Variants in MARK3 observed in about 807,000 individuals in gnomAD.
MARK3 encodes the protein microtubule affinity regulating kinase 3, also known as MAP/microtubule affinity-regulating kinase 3.
Under a neutral mutation model 90.1 loss-of-function variants are expected in MARK3, and 46 were observed. The observed-to-expected ratio is 0.51, with a 90% confidence interval of 0.40 to 0.65. The LOEUF (loss-of-function observed/expected upper bound fraction) is 0.65. Among genes scored for constraint, MARK3 ranks in the 30% least tolerant of loss-of-function variants. The pLI, the probability that MARK3 is intolerant of heterozygous loss-of-function variation, is 0.00. For missense variants in MARK3, 818 were observed against 947.2 expected, an observed-to-expected ratio of 0.86 and a Z score of 1.79; for synonymous variants, 321 against 332.6, an observed-to-expected ratio of 0.97 and a Z score of 0.38.
intron 6 of MARK3, among the ~76,000 whole-genome samples, chr14:103,459,555 A>G (rs1036471966): frequency 2.6e-5 from 4 of 152,130 alleles, no homozygotes; most frequent in African/African-American, 7.2e-5. Flanking sequence ...GCTGGAGTGC[A>G]GTGGCCCGAT....
intron 2 of MARK3, among the ~76,000 whole-genome samples, chr14:103,419,332 CTTTTA>C (rs993363837): frequency 3.2e-4 from 48 of 152,056 alleles, no homozygotes; most frequent in African/African-American, 1.1e-3. Context: ...CTCCCCAAAG[CTTTTA>C]TTTATTAGGG....
intron 6 of MARK3, chr14:103,458,821 C>A (rs1186943422): frequency 1.6e-6 from 1 of 635,354 alleles, no homozygotes; most frequent in South Asian, 1.9e-5. Flanking sequence ...TATTAAGTTT[C>A]TTATAAACGT....
Position 103,444,937 on chromosome 14 carries a change from G to A in MARK3, c.298-3982G>A, listed in dbSNP as rs559781791. ...TCCTATCCAAATTTAACTATCTTTG[G>A]TCATCAGATTCTGAGATTATGAAGT... is the stretch of plus-strand genomic sequence containing the variant. On this transcript the variant is annotated intron_variant, in intron 3 of 17. Coordinates refer to ENST00000429436, the MANE Select transcript of MARK3 (RefSeq NM_001128918.3). 3.3e-5 allele frequency among the ~76,000 whole-genome samples: 5 copies of A among 152,174 alleles called. No homozygotes were observed. In the South Asian group the frequency reaches 6.2e-4, roughly 19 times the overall value.
At chr14:103,483,754 T>G (rs2093870077) in intron 14 of MARK3, among the ~76,000 whole-genome samples, 1 of 152,190 alleles carries the variant, frequency 6.6e-6, no homozygotes, top group East Asian at 1.9e-4. Context: ...CCTTCTGATG[T>G]TATTCTCGAA....
intron 13 of MARK3, among the ~76,000 whole-genome samples, chr14:103,476,079 T>A (rs567442356): frequency 1.3e-5 from 2 of 152,282 alleles, no homozygotes; most frequent in South Asian, 4.1e-4. Flanking sequence ...GGGGACACAT[T>A]CAGAGCATAG....
At chr14:103,469,587 G>A (rs1177071872) in intron 12 of MARK3, among the ~76,000 whole-genome samples, 2 of 151,992 alleles carry the variant, frequency 1.3e-5, no homozygotes, top group African/African-American at 4.8e-5. Flanking sequence ...CGAAGTAGCT[G>A]GGACTATAGG....
At chr14:103,477,278 G>A (rs978665619) in intron 13 of MARK3, among the ~76,000 whole-genome samples, 1 of 152,164 alleles carries the variant, frequency 6.6e-6, no homozygotes. Context: ...GATCACTTGA[G>A]GTCAGGAGTT....
chr14:103,475,871 G>A (rs1156444370), intron 13 of MARK3, among the ~76,000 whole-genome samples: 5 of 151,652 alleles, frequency 3.3e-5, no homozygotes, highest in African/African-American at 1.2e-4. Context: ...TTGAACTCAG[G>A]AGGCAGAGGT....
At chr14:103,478,124 A>G (rs566741426) in intron 13 of MARK3, among the ~76,000 whole-genome samples, 6 of 151,850 alleles carry the variant, frequency 4.0e-5, no homozygotes, top group African/African-American at 1.4e-4. Flanking sequence ...GTGAAACCCC[A>G]TCTCTACTAA....
At chr14:103,500,013 TC>T (rs780609068) in intron 16 of MARK3, 142 bp from the exon 17 acceptor site, 92 of 701,276 alleles carry the variant, frequency 1.3e-4, no homozygotes, top group Non-Finnish European at 2.2e-4. Context: ...GGAAGAGTTT[TC>T]ATAAGCCCGG....
At chr14:103,406,224 A>AG (rs1425746175) in intron 2 of MARK3, among the ~76,000 whole-genome samples, 2 of 139,622 alleles carry the variant, frequency 1.4e-5, no homozygotes, top group Non-Finnish European at 1.6e-5. Context: ...TTGGGGGGTT[A>AG]GGGGGGTGTC....
chr14:103,426,329 G>A (rs1047429631), intron 2 of MARK3, among the ~76,000 whole-genome samples: 11 of 138,068 alleles, frequency 8.0e-5, no homozygotes, highest in Non-Finnish European at 1.2e-4. Flanking sequence ...GTAGATATTC[G>A]TTGATACAAC....
rs187961331 is a variant in MARK3 at position 103,501,180 on chromosome 14, G to A, written c.1916+980G>A. On this transcript the variant is annotated intron_variant, in intron 17 of 17. Coordinates refer to ENST00000429436, the MANE Select transcript of MARK3 (RefSeq NM_001128918.3). ...CTATTTCACCTGGCCACGTCCCTGC[G>A]AGGCCCTGAGTGGCGTGGTCCAGGC... Among the ~76,000 whole-genome samples the A allele has an allele frequency of 1.2e-4, 18 of 152,278 alleles. No homozygotes were observed. In the East Asian group the frequency reaches 2.7e-3, roughly 23 times the overall value.
At chr14:103,448,069 G>A (rs570094028) in intron 3 of MARK3, among the ~76,000 whole-genome samples, 1 of 152,152 alleles carries the variant, frequency 6.6e-6, no homozygotes, top group South Asian at 2.1e-4. Context: ...CACCGTGCTC[G>A]GCTGGTTTTT....
At position 103,490,974 on chromosome 14, in the gene MARK3, G is replaced by A. The variant is rs115897499; in HGVS notation, c.1587-803G>A. ...CAGCCTGACAGAAATGTTCGCTTAC[G>A]CAGCTAGCCCTGCCTCAGTTTGTAC... On this transcript the variant is annotated intron_variant, in intron 14 of 17. Coordinates refer to ENST00000429436, the MANE Select transcript of MARK3 (RefSeq NM_001128918.3). The A allele has an allele frequency of 1.9e-4, 237 of 1,277,380 alleles. No homozygotes were observed. The African/African-American group carries it at 3.2e-3, about 17-fold the overall frequency. 79.1% of individuals were successfully genotyped at this position (1,277,380 alleles called of 1,614,324 possible).
intron 3 of MARK3, among the ~76,000 whole-genome samples, chr14:103,441,825 G>A (rs182385777): frequency 7.0e-6 from 1 of 142,918 alleles, no homozygotes; most frequent in East Asian, 2.0e-4. Flanking sequence ...TTCTTCAGAA[G>A]TGGTTATTCT....
At chr14:103,499,899 G>A in intron 16 of MARK3, 9 of 482,026 alleles carry the variant, frequency 1.9e-5, no homozygotes, top group South Asian at 1.4e-4. Flanking sequence ...CAGCGGTATG[G>A]CATGCAATGT....
chr14:103,454,263 T>TC (rs1239604812), intron 5 of MARK3, among the ~76,000 whole-genome samples: 4 of 151,902 alleles, frequency 2.6e-5, no homozygotes, highest in Non-Finnish European at 5.9e-5. Context: ...TTTTTTTTTT[T>TC]CTTTTTGGAG....
At chr14:103,427,932 C>T (rs2092464194) in intron 2 of MARK3, among the ~76,000 whole-genome samples, 1 of 152,198 alleles carries the variant, frequency 6.6e-6, no homozygotes, top group African/African-American at 2.4e-5. Flanking sequence ...CACCCTGTGA[C>T]TAAGAATGCC....
Sources: gnomAD v4.1 joint callset for allele counts (sites outside exome capture counted in the v4.1 genomes callset) on GRCh38, gnomAD v4.1.1 for gene constraint, MANE v1.5 for transcripts, NCBI Gene and HGNC (gene_info 2026-07-23, HGNC 2026-07-21) for gene names.